PFKFB1: variants seen among roughly 807,000 people sequenced by gnomAD.
PFKFB1 encodes 6-phosphofructo-2-kinase/fructose-2,6-bisphosphatase 1.
A neutral mutation model predicts 46.4 loss-of-function variants in PFKFB1; 34 were observed. That is an observed-to-expected ratio of 0.73 (90% confidence interval 0.56 to 0.98). The LOEUF (loss-of-function observed/expected upper bound fraction) is 0.98, where lower values mean the gene tolerates loss of function less well. Ranked by LOEUF, PFKFB1 falls within the 50% of genes least tolerant of loss-of-function variation. The probability of loss-of-function intolerance (pLI) is 0.00; values close to 1 mark genes in which losing one functional copy is unlikely to be tolerated. For synonymous variants in PFKFB1, 119 were observed against 133.8 expected, an observed-to-expected ratio of 0.89 and a Z score of 0.76; for missense variants, 393 against 376.3, an observed-to-expected ratio of 1.04 and a Z score of -0.37.
chrX:54,980,641 A>G (rs974450886), intron 1 of PFKFB1, among the ~76,000 whole-genome samples: 6 of 106,012 alleles, frequency 5.7e-5, no homozygotes, highest in Non-Finnish European at 9.7e-5. Context: ...GAGATTTCCT[A>G]GCCCAGTCCT....
At chrX:54,962,650 G>A (rs1279110393) in intron 2 of PFKFB1, among the ~76,000 whole-genome samples, 1 of 112,098 alleles carries the variant, frequency 8.9e-6, no homozygotes, top group Non-Finnish European at 1.9e-5. Context: ...GTGGGGCAGA[G>A]AGACAGGATG....
chrX:54,962,566 T>C (rs1020721111), intron 2 of PFKFB1, among the ~76,000 whole-genome samples: 27 of 109,355 alleles, frequency 2.5e-4, no homozygotes, highest in Non-Finnish European at 4.4e-4. Flanking sequence ...AGAACATAGA[T>C]GAACAGAAAG....
At chrX:54,984,715 T>C (rs1244751996) in intron 1 of PFKFB1, among the ~76,000 whole-genome samples, 6 of 111,521 alleles carry the variant, frequency 5.4e-5, no homozygotes, top group African/African-American at 1.6e-4. Context: ...GTCCCATCAA[T>C]ACTTTGGCAT....
At chrX:54,940,905 T>C (rs1478299892) in intron 10 of PFKFB1, among the ~76,000 whole-genome samples, 1 of 111,567 alleles carries the variant, frequency 9.0e-6, no homozygotes, top group East Asian at 2.8e-4. Flanking sequence ...AAAGTTCGTA[T>C]GGAACCAAAA....
intron 6 of PFKFB1, 70 bp downstream of exon 6, chrX:54,958,236 C>T: frequency 1.6e-6 from 1 of 625,849 alleles, no homozygotes; most frequent in Non-Finnish European, 2.6e-6. Context: ...TAGGCATAAT[C>T]TCACCTCTGC....
intron 11 of PFKFB1, 23 bp from the exon 12 acceptor site, chrX:54,935,032 C>A: frequency 8.6e-7 from 1 of 1,158,672 alleles, no homozygotes; most frequent in East Asian, 3.0e-5. Flanking sequence ...AGGAAGCAGC[C>A]CTCAGAGGCA....
chrX:54,951,872 C>A (rs1355662416), intron 8 of PFKFB1, 33 bp downstream of exon 8: 1 of 1,146,107 alleles, frequency 8.7e-7, no homozygotes, highest in Non-Finnish European at 1.2e-6. Flanking sequence ...GACAGCCCAG[C>A]CAACCCATCT....
Position 54,970,200 on chromosome X carries a change from C to G in PFKFB1, c.98-6818G>C, listed in dbSNP as rs944562666. 3.6e-5 allele frequency among the ~76,000 whole-genome samples: 4 copies of G among 111,676 alleles called. No homozygotes were observed. In the East Asian group the frequency reaches 1.1e-3, roughly 31 times the overall value. Reference sequence around the variant, plus strand: ...CTGGGATTATAGGCATGAGCCACTGCAGCCGGCCCAAAATCTATTTTTAAA... The same window carrying G: ...CTGGGATTATAGGCATGAGCCACTGGAGCCGGCCCAAAATCTATTTTTAAA... On this transcript the variant is annotated intron_variant, in intron 1 of 13. Transcript: ENST00000375006.
rs182589794 is a variant in PFKFB1 at position 54,940,497 on chromosome X, C to T, written c.1099-2773G>A. ...TGATTGTATATTTAGAAAACCCCAT[C>T]GTCTCAGCGCAAAATCTCCTTAAGC... On this transcript the variant is annotated intron_variant, in intron 10 of 13. Transcript: ENST00000375006. Among the ~76,000 whole-genome samples, 27 of 111,754 alleles carry T rather than the reference C, an allele frequency of 2.4e-4. 1 individual carries two copies. The highest frequency in any genetic ancestry group is 2.0e-3 in the East Asian group (7 of 3,535).
intron 10 of PFKFB1, among the ~76,000 whole-genome samples, chrX:54,941,722 T>G (rs1298300900): frequency 9.0e-6 from 1 of 111,630 alleles, no homozygotes; most frequent in African/African-American, 3.3e-5. Flanking sequence ...AGAATGGTGA[T>G]CAATATAAAA....
chrX:54,988,241 A>C (rs1416936736), intron 1 of PFKFB1, among the ~76,000 whole-genome samples: 2 of 111,808 alleles, frequency 1.8e-5, no homozygotes, highest in Non-Finnish European at 3.8e-5. Context: ...TTTTATTTAC[A>C]ATAGCATCAA....
chrX:54,998,511 G>T, upstream of PFKFB1: 1 of 878,800 alleles, frequency 1.1e-6, no homozygotes. Context: ...CAAAGAGGAA[G>T]CCTGGAGGTG....
intron 1 of PFKFB1, among the ~76,000 whole-genome samples, chrX:54,988,092 C>T (rs1183825554): frequency 9.0e-6 from 1 of 110,759 alleles, no homozygotes; most frequent in African/African-American, 3.3e-5. Context: ...ATAGAAAATC[C>T]CAAGGAATGC....
At chrX:54,982,005 CT>C (rs1301346241) in intron 1 of PFKFB1, among the ~76,000 whole-genome samples, 2 of 111,635 alleles carry the variant, frequency 1.8e-5, no homozygotes, top group Admixed American at 9.5e-5. Context: ...CAACTTTACA[CT>C]TGTAAATTTA....
Position 54,958,377 on chromosome X carries a change from G to T in PFKFB1, c.460-15C>A. 1.8e-6 allele frequency: 2 copies of T among 1,094,008 alleles called. No homozygotes were observed. The highest frequency in any genetic ancestry group is 3.8e-5 in the South Asian group (2 of 52,972). 90.2% of individuals were successfully genotyped at this position (1,094,008 alleles called of 1,213,427 possible). A position where few individuals can be genotyped will look rare whatever the true frequency, so the allele number is the denominator to read the frequency against. On this transcript the variant is annotated splice_polypyrimidine_tract_variant and intron_variant, in intron 5 of 13. Coordinates refer to ENST00000375006, the MANE Select transcript of PFKFB1 (RefSeq NM_002625.4). ...ATGAAAAACACCTATAAAAGAAACA[G>T]AAAAGAGATTTCCAGCAGGAAATTA...
chrX:54,959,900 T>A lies in PFKFB1; in HGVS notation c.318-7A>T, dbSNP rs749113427. The A allele has an allele frequency of 8.5e-7, 1 of 1,182,143 alleles. No homozygotes were observed. The highest frequency in any genetic ancestry group is 1.1e-6 in the Non-Finnish European group (1 of 870,458). On this transcript the variant is annotated splice_polypyrimidine_tract_variant and splice_region_variant and intron_variant, in intron 3 of 13. Transcript: ENST00000375006. The stretch of plus-strand genomic sequence containing the variant: ...GGCTGCCAGGGCGCACTGCCTGAAA[T>A]AGACCAGGAAAGAAAAAGAGGCAAC...
chrX:54,945,901 T>A (rs1402917854), intron 9 of PFKFB1, among the ~76,000 whole-genome samples: 1 of 111,289 alleles, frequency 9.0e-6, no homozygotes, highest in Non-Finnish European at 1.9e-5. Context: ...TAAGGATTTG[T>A]GGCTGTGTTT....
intron 10 of PFKFB1, among the ~76,000 whole-genome samples, chrX:54,940,676 A>C (rs914274072): frequency 1.8e-5 from 2 of 111,424 alleles, no homozygotes; most frequent in Non-Finnish European, 1.9e-5. Context: ...AAGGAATCCA[A>C]CTTACAAGGG....
intron 11 of PFKFB1, among the ~76,000 whole-genome samples, chrX:54,935,344 G>A (rs1249540885): frequency 1.8e-5 from 2 of 111,469 alleles, no homozygotes; most frequent in African/African-American, 3.3e-5. Context: ...CAAGCCTGGG[G>A]CCTTCAGCAG....
Sources: gnomAD v4.1 joint callset for allele counts (sites outside exome capture counted in the v4.1 genomes callset) on GRCh38, gnomAD v4.1.1 for gene constraint, MANE v1.5 for transcripts, NCBI Gene and HGNC (gene_info 2026-07-23, HGNC 2026-07-21) for gene names.